The following DAB1 variants were observed in gnomAD, a reference collection of about 807,000 sequenced individuals.
The protein encoded by DAB1 is disabled homolog 1.
Under a neutral mutation model 64.6 loss-of-function variants are expected in DAB1, and 15 were observed. The observed-to-expected ratio is 0.23, with a 90% confidence interval of 0.16 to 0.36. The LOEUF (loss-of-function observed/expected upper bound fraction) is 0.36, where lower values mean the gene tolerates loss of function less well. Among genes scored for constraint, DAB1 ranks in the 10% least tolerant of loss-of-function variants. The probability of loss-of-function intolerance (pLI) is 1.00; values close to 1 mark genes in which losing one functional copy is unlikely to be tolerated. For missense variants in DAB1, 596 were observed against 706.7 expected (o/e 0.84, Z 1.78); for synonymous variants, 235 against 251.9 (o/e 0.93, Z 0.64).
At position 57,435,947 on chromosome 1, in the gene DAB1, C is replaced by T. The variant is rs568903928; in HGVS notation, n.626-144781G>A. ...TTTTTTTTTTTTTGAGATGGAGTCT[C>T]GCTCTGTGGCCCAGGCTGGAGTGCA... On this transcript the variant is annotated intron_variant and non_coding_transcript_variant, in intron 7 of 20. Coordinates refer to the DAB1 transcript ENST00000485760. Among the ~76,000 whole-genome samples, 39 of 128,710 alleles carry T rather than the reference C, an allele frequency of 3.0e-4. 1 individual carries two copies. The East Asian group carries it at 7.3e-3, about 24-fold the overall frequency. The allele number at this position is 128,710 out of a possible 152,430, so 84.4% of individuals were successfully genotyped here.
chr1:58,481,833 G>A (rs1205682457), intron 3 of DAB1, among the ~76,000 whole-genome samples: 1 of 152,132 alleles, frequency 6.6e-6, no homozygotes, highest in Non-Finnish European at 1.5e-5. Flanking sequence ...CTGCCGCCAT[G>A]TAAGACATGA....
intron 9 of DAB1, among the ~76,000 whole-genome samples, chr1:57,060,483 G>A (rs139735115): frequency 3.3e-5 from 5 of 152,238 alleles, no homozygotes; most frequent in East Asian, 1.9e-4. Flanking sequence ...TAAAGCAGCC[G>A]TGTTGTACCT....
chr1:57,533,621 C>G lies in DAB1; in HGVS notation n.625+115971G>C, dbSNP rs114236430. Among the ~76,000 whole-genome samples the G allele has an allele frequency of 8.3e-3, 1,230 of 148,512 alleles. 18 individuals carry two copies. Among genetic ancestry groups the G allele is most frequent in the African/African-American group, 0.029 (1,175 of 40,376 alleles). ...GGGTTATGTGATTGTTGTGGTTGAGCTTCAAAAAAACTATCTACCTACCTA... is the reference window on the plus strand; with the variant it reads ...GGGTTATGTGATTGTTGTGGTTGAGGTTCAAAAAAACTATCTACCTACCTA... On this transcript the variant is annotated intron_variant and non_coding_transcript_variant, in intron 7 of 20. Transcript: ENST00000485760.
At chr1:57,746,953 TTCAAGTGG>T (rs930755578) in intron 6 of DAB1, among the ~76,000 whole-genome samples, 3 of 152,190 alleles carry the variant, frequency 2.0e-5, no homozygotes, top group Non-Finnish European at 4.4e-5. Flanking sequence ...TGAAAATATT[TTCAAGTGG>T]GTGACCACAT....
chr1:58,031,428 G>A (rs1570251025), intron 5 of DAB1, among the ~76,000 whole-genome samples: 1 of 152,286 alleles, frequency 6.6e-6, no homozygotes, highest in East Asian at 1.9e-4. Flanking sequence ...AGGTAAAACG[G>A]ATGGGAAAAA....
chr1:57,629,843 G>GT (rs796290423), intron 7 of DAB1, among the ~76,000 whole-genome samples: 2,308 of 147,692 alleles, frequency 0.016, 46 homozygotes, highest in African/African-American at 0.049. Flanking sequence ...AAGGTTGAGG[G>GT]TTTTTTTTTT....
chr1:57,941,299 G>T (rs976168372), intron 5 of DAB1, among the ~76,000 whole-genome samples: 8 of 152,214 alleles, frequency 5.3e-5, no homozygotes, highest in Non-Finnish European at 1.0e-4. Flanking sequence ...TATCTGCACA[G>T]TAGCAGCCCA....
At chr1:57,073,850 G>T (rs1294650715) in intron 4 of DAB1, among the ~76,000 whole-genome samples, 1 of 152,180 alleles carries the variant, frequency 6.6e-6, no homozygotes, top group Non-Finnish European at 1.5e-5. Flanking sequence ...ATTTCTATGT[G>T]CATGCAAATG....
rs1237447508 is a variant in DAB1 at position 58,061,398 on chromosome 1, C to T, written n.387+89113G>A. Among the ~76,000 whole-genome samples the T allele has an allele frequency of 2.6e-5, 4 of 152,278 alleles. No individual in the cohort carries two copies. The East Asian group carries it at 5.8e-4, about 22-fold the overall frequency. ...CCTTCTGAGGGCTGTGAGATGAATC[C>T]GTTCCAGGCTTCTCCTCTAGCTTCT... On this transcript the variant is annotated intron_variant and non_coding_transcript_variant, in intron 5 of 20. Coordinates refer to the DAB1 transcript ENST00000485760.
At chr1:57,610,616 A>C (rs1009903391) in intron 7 of DAB1, among the ~76,000 whole-genome samples, 1 of 152,232 alleles carries the variant, frequency 6.6e-6, no homozygotes, top group African/African-American at 2.4e-5. Flanking sequence ...ATTGACTCAC[A>C]TGGCTGGGAA....
chr1:57,298,721 G>A (rs993906112), intron 1 of DAB1, among the ~76,000 whole-genome samples: 3 of 152,082 alleles, frequency 2.0e-5, no homozygotes, highest in African/African-American at 7.2e-5. Flanking sequence ...AAATAAACAA[G>A]AAAGTTGGAG....
At chr1:58,181,817 T>C (rs1015267832) in intron 4 of DAB1, among the ~76,000 whole-genome samples, 6 of 152,042 alleles carry the variant, frequency 3.9e-5, no homozygotes, top group Non-Finnish European at 8.8e-5. Flanking sequence ...TGCAATTGTC[T>C]TTTAAATCAG....
At chr1:57,086,200 C>T (rs1653056864) in intron 4 of DAB1, among the ~76,000 whole-genome samples, 1 of 152,084 alleles carries the variant, frequency 6.6e-6, no homozygotes, top group South Asian at 2.1e-4. Context: ...TGCAGTTAAG[C>T]CTTCCCACAT....
intron 9 of DAB1, among the ~76,000 whole-genome samples, chr1:57,032,344 C>T (rs1248463585): frequency 6.6e-6 from 1 of 152,130 alleles, no homozygotes; most frequent in Non-Finnish European, 1.5e-5. Flanking sequence ...TTGTCATAAG[C>T]TGGCTGTTTT....
At chr1:57,616,520 C>T (rs563679891) in intron 7 of DAB1, among the ~76,000 whole-genome samples, 3 of 152,232 alleles carry the variant, frequency 2.0e-5, no homozygotes, top group Non-Finnish European at 4.4e-5. Context: ...GACACAATTA[C>T]CATAGGCAAT....
chr1:57,149,485 C>T (rs1659458655), intron 2 of DAB1, among the ~76,000 whole-genome samples: 1 of 152,170 alleles, frequency 6.6e-6, no homozygotes, highest in South Asian at 2.1e-4. Flanking sequence ...AGATGTTCTT[C>T]CCAACATCTG....
intron 5 of DAB1, among the ~76,000 whole-genome samples, chr1:58,083,652 T>C (rs1185357420): frequency 2.6e-5 from 4 of 152,256 alleles, no homozygotes; most frequent in Admixed American, 6.5e-5. Context: ...TATTCTGTGC[T>C]AGGCACTGCT....
chr1:57,289,849 A>AAC (rs945864473), intron 2 of DAB1, among the ~76,000 whole-genome samples: 13 of 152,074 alleles, frequency 8.5e-5, no homozygotes, highest in Admixed American at 5.9e-4. Flanking sequence ...ACAGGGAGAA[A>AAC]ACACACACAC....
At chr1:57,071,734 C>T (rs1042556560) in intron 5 of DAB1, 93 bp from the exon 6 acceptor site, 44 of 1,213,920 alleles carry the variant, frequency 3.6e-5, no homozygotes, top group Non-Finnish European at 4.6e-5. Context: ...CGCAGCCCTT[C>T]CTTTTTCTAT....
Sources: allele counts gnomAD v4.1 joint callset (sites outside exome capture counted in the v4.1 genomes callset), GRCh38; gene constraint gnomAD v4.1.1; transcripts MANE v1.5; gene names NCBI Gene and HGNC (gene_info 2026-07-23, HGNC 2026-07-21).